PIK3C3: variants seen among roughly 807,000 people sequenced by gnomAD.
The protein encoded by PIK3C3 is PI3-kinase type 3.
Under a neutral mutation model 126.1 loss-of-function variants are expected in PIK3C3, and 95 were observed. The observed-to-expected ratio is 0.75, with a 90% CI of 0.64 to 0.89. The LOEUF is 0.89. Ranked by LOEUF, PIK3C3 falls within the 40% of genes least tolerant of loss-of-function variation. PIK3C3 has a pLI of 0.00. For missense variants in PIK3C3, 829 were observed against 1,063.2 expected, an observed-to-expected ratio of 0.78 and a Z score of 3.06; for synonymous variants, 374 against 360.0, an observed-to-expected ratio of 1.04 and a Z score of -0.44.
chr18:42,000,927 A>T (rs1044582453), intron 9 of PIK3C3, among the ~76,000 whole-genome samples: 1 of 152,212 alleles, frequency 6.6e-6, no homozygotes, highest in African/African-American at 2.4e-5. Flanking sequence ...CAGCCACACC[A>T]TATCAGTAAG....
chr18:42,068,550 T>C (rs1349692690), intron 24 of PIK3C3, among the ~76,000 whole-genome samples: 1 of 152,218 alleles, frequency 6.6e-6, no homozygotes, highest in Non-Finnish European at 1.5e-5. Context: ...TCTGTATGTT[T>C]TCTACCTTTA....
chr18:42,021,580 T>C (rs572925156), intron 13 of PIK3C3, among the ~76,000 whole-genome samples: 1 of 152,324 alleles, frequency 6.6e-6, no homozygotes, highest in Admixed American at 6.5e-5. Context: ...AAACTACTTA[T>C]ATCACTTTTT....
chr18:41,980,244 G>C (rs1304182691), intron 4 of PIK3C3, among the ~76,000 whole-genome samples: 1 of 152,064 alleles, frequency 6.6e-6, no homozygotes, highest in Non-Finnish European at 1.5e-5. Flanking sequence ...ATCTATACTT[G>C]GTTAAGTCTT....
intron 16 of PIK3C3, among the ~76,000 whole-genome samples, chr18:42,035,867 G>A (rs650025): frequency 0.031 from 4,707 of 152,208 alleles, 238 homozygotes; most frequent in African/African-American, 0.11. Context: ...AAGTAATTTT[G>A]TAGACCTTAA....
At chr18:41,981,540 C>G (rs1238645949) in intron 4 of PIK3C3, among the ~76,000 whole-genome samples, 1 of 152,068 alleles carries the variant, frequency 6.6e-6, no homozygotes, top group African/African-American at 2.4e-5. Flanking sequence ...CTATGCTTGC[C>G]AAGAATTAAA....
chr18:42,054,327 A>G (rs1220055705), intron 21 of PIK3C3, among the ~76,000 whole-genome samples: 18 of 150,940 alleles, frequency 1.2e-4, no homozygotes, highest in Non-Finnish European at 2.2e-4. Context: ...AGGGTAGGAA[A>G]CATTCAGCAC....
At chr18:42,070,044 A>G (rs977161273) in intron 24 of PIK3C3, among the ~76,000 whole-genome samples, 1 of 152,148 alleles carries the variant, frequency 6.6e-6, no homozygotes, top group Non-Finnish European at 1.5e-5. Context: ...AGGTCCAGCA[A>G]AGCTTCACTC....
chr18:42,006,000 C>G (rs975548261), intron 10 of PIK3C3, among the ~76,000 whole-genome samples: 1 of 151,024 alleles, frequency 6.6e-6, no homozygotes, highest in African/African-American at 2.4e-5. Flanking sequence ...TCCCATAACC[C>G]TCTCCTTGGG....
intron 3 of PIK3C3, among the ~76,000 whole-genome samples, chr18:41,965,569 T>C (rs12966309): frequency 6.6e-6 from 1 of 152,232 alleles, no homozygotes; most frequent in Non-Finnish European, 1.5e-5. Flanking sequence ...AGTGTGTCTG[T>C]GGTGGGGCCC....
rs1986334697 is a variant in PIK3C3 at position 42,083,917 on chromosome 18, A to C, written c.*2780A>C. ...GATAGTACTGACCTCTAATGTGTGC[A>C]TTTGTGGGTATGTGGTCCATTCAGC... On this transcript the variant is annotated 3_prime_UTR_variant, in exon 25 of 25. Transcript: ENST00000262039. 1 of 152,244 alleles carries C rather than the reference A, an allele frequency of 6.6e-6. No individual in the cohort carries two copies. The highest frequency in any genetic ancestry group is 1.9e-4 in the East Asian group (1 of 5,170). The allele number at this position is 152,244 out of a possible 1,614,324, so 9.4% of individuals were successfully genotyped here.
chr18:42,008,938 C>A (rs567523705), intron 10 of PIK3C3, among the ~76,000 whole-genome samples: 1 of 152,118 alleles, frequency 6.6e-6, no homozygotes, highest in East Asian at 1.9e-4. Context: ...AATACCGCAG[C>A]CTTTTTTATG....
At chr18:42,046,276 T>G (rs1984554173) in intron 20 of PIK3C3, among the ~76,000 whole-genome samples, 1 of 152,184 alleles carries the variant, frequency 6.6e-6, no homozygotes, top group Non-Finnish European at 1.5e-5. Flanking sequence ...TAATCTGTTT[T>G]TGTGTAACTT....
intron 4 of PIK3C3, among the ~76,000 whole-genome samples, chr18:41,979,967 T>G (rs533512618): frequency 7.2e-4 from 110 of 152,000 alleles, no homozygotes; most frequent in African/African-American, 2.6e-3. Flanking sequence ...GCAAGCTGAT[T>G]AAGTGTACTT....
At chr18:42,015,717 C>T (rs1344760610) in intron 12 of PIK3C3, 151 bp downstream of exon 12, 3 of 625,542 alleles carry the variant, frequency 4.8e-6, no homozygotes, top group African/African-American at 3.7e-5. Flanking sequence ...ATAACTTTTC[C>T]CCCTCAGCAT....
Position 41,955,254 on chromosome 18 carries a change from A to C in PIK3C3, c.-38A>C. 1 of 1,572,534 alleles carries C rather than the reference A, an allele frequency of 6.4e-7. No homozygotes were observed. Among genetic ancestry groups the C allele is most frequent in the South Asian group, 1.1e-5 (1 of 89,626 alleles). Reference sequence around the variant, plus strand: ...CATTTATGTTGTTTTTCCTGTACCTAAGTTCCCGCTGTAGGTGGTACCTTT... The same window carrying C: ...CATTTATGTTGTTTTTCCTGTACCTCAGTTCCCGCTGTAGGTGGTACCTTT... On this transcript the variant is annotated 5_prime_UTR_variant, in exon 1 of 25. Coordinates refer to ENST00000262039, the MANE Select transcript of PIK3C3 (RefSeq NM_002647.4).
chr18:42,054,134 A>G (rs28526497), intron 21 of PIK3C3, among the ~76,000 whole-genome samples: 7 of 12,558 alleles, frequency 5.6e-4, no homozygotes, highest in East Asian at 5.9e-3. Flanking sequence ...TGGTATATAT[A>G]TATATATATA....
chr18:42,055,447 A>G (rs1465048580), intron 21 of PIK3C3, among the ~76,000 whole-genome samples: 1 of 152,146 alleles, frequency 6.6e-6, no homozygotes, highest in Non-Finnish European at 1.5e-5. Context: ...TTCTGAAAAT[A>G]TAGGTTTTGC....
At chr18:42,062,483 G>A (rs1032649164) in intron 22 of PIK3C3, among the ~76,000 whole-genome samples, 2 of 151,826 alleles carry the variant, frequency 1.3e-5, no homozygotes, top group Non-Finnish European at 2.9e-5. Context: ...TATCATTAGT[G>A]TTAGTGTATT....
chr18:42,040,369 AAAG>A (rs1984255060), intron 18 of PIK3C3, among the ~76,000 whole-genome samples: 1 of 152,100 alleles, frequency 6.6e-6, no homozygotes, highest in Non-Finnish European at 1.5e-5. Context: ...AAATCTATAG[AAAG>A]AAGAAATTTT....
Sources: allele counts gnomAD v4.1 joint callset (sites outside exome capture counted in the v4.1 genomes callset), GRCh38; gene constraint gnomAD v4.1.1; transcripts MANE v1.5; gene names NCBI Gene and HGNC (gene_info 2026-07-23, HGNC 2026-07-21).